WDR20: variants seen among roughly 807,000 people sequenced by gnomAD.
The protein encoded by WDR20 is WD repeat-containing protein 20.
A neutral mutation model predicts 38.7 loss-of-function variants in WDR20; 3 were observed. The ratio of observed to expected loss-of-function variants is 0.08; its 90% CI spans 0.04 to 0.20. The LOEUF (loss-of-function observed/expected upper bound fraction) is 0.20. Among genes scored for constraint, WDR20 ranks in the 10% least tolerant of loss-of-function variants. WDR20 has a pLI of 1.00. For missense variants in WDR20, 559 were observed against 727.7 expected, an observed-to-expected ratio of 0.77 and a Z score of 2.67; for synonymous variants, 298 against 285.6, an observed-to-expected ratio of 1.04 and a Z score of -0.44.
intron 1 of WDR20, among the ~76,000 whole-genome samples, chr14:102,152,357 TTAA>T (rs779716979): frequency 4.6e-5 from 7 of 152,126 alleles, no homozygotes; most frequent in Non-Finnish European, 7.4e-5. Context: ...ATTAATCATG[TTAA>T]TAATAGTGTG....
At chr14:102,201,795 G>A (rs930314977) in intron 2 of WDR20, among the ~76,000 whole-genome samples, 13 of 152,226 alleles carry the variant, frequency 8.5e-5, no homozygotes, top group African/African-American at 3.1e-4. Context: ...GGGCCTTGGA[G>A]CATTTTGGAG....
At chr14:102,164,149 A>G (rs1016497916) in intron 1 of WDR20, among the ~76,000 whole-genome samples, 7 of 151,728 alleles carry the variant, frequency 4.6e-5, no homozygotes, top group Non-Finnish European at 8.8e-5. Flanking sequence ...ACATTAGACC[A>G]GGCTTTGGTC....
chr14:102,145,805 A>G (rs1305813895), intron 1 of WDR20, among the ~76,000 whole-genome samples: 4 of 152,060 alleles, frequency 2.6e-5, no homozygotes, highest in African/African-American at 9.7e-5. Flanking sequence ...AACAAAAACT[A>G]TACTCAGAAT....
Position 102,194,964 on chromosome 14 carries a change from T to C in WDR20, c.276T>C (p.Asp92=). 2 of 1,614,136 alleles carry C rather than the reference T, an allele frequency of 1.2e-6. No individual in the cohort carries two copies. Among genetic ancestry groups the C allele is most frequent in the Non-Finnish European group, 1.7e-6 (2 of 1,180,018 alleles). ...CTGCTGACTTGAGTAAACCAATAGA[T>C]AAAAGGATATACAAAGGAACACAGC... ...RKAADLSKPI[D]KRIYKGTQPT... Residue 92 remains aspartate, a synonymous_variant, in exon 2 of 3, where the codon GAT becomes GAC. Coordinates refer to ENST00000342702, the MANE Select transcript of WDR20 (RefSeq NM_144574.4).
chr14:102,199,427 T>C (rs913577551), intron 2 of WDR20, among the ~76,000 whole-genome samples: 1 of 151,276 alleles, frequency 6.6e-6, no homozygotes, highest in Non-Finnish European at 1.5e-5. Flanking sequence ...CCGTGGGAGG[T>C]GAGATACCAA....
intron 1 of WDR20, 125 bp downstream of exon 1, chr14:102,140,297 A>G (rs993153877): frequency 2.8e-6 from 4 of 1,440,122 alleles, no homozygotes; most frequent in African/African-American, 1.4e-5. Flanking sequence ...GTGGGCCGGT[A>G]ACTCCACTGG....
exon 4 of WDR20, chr14:102,223,039 G>T: frequency 1.3e-6 from 1 of 777,116 alleles, no homozygotes; most frequent in Non-Finnish European, 2.1e-6. Context: ...ACTCTGCGGC[G>T]CCGTGCTCCC....
Position 102,194,852 on chromosome 14 carries a change from A to T in WDR20, c.250-86A>T, listed in dbSNP as rs2059154836. 9 of 1,344,382 alleles carry T rather than the reference A, an allele frequency of 6.7e-6. No homozygotes were observed. In the Admixed American group the frequency reaches 2.0e-4, roughly 30 times the overall value. 83.3% of individuals were successfully genotyped at this position (1,344,382 alleles called of 1,614,324 possible). On this transcript the variant is annotated intron_variant, in intron 1 of 2. Transcript: ENST00000342702. ...AATCACTTTGTTTTTAAGATGAAACATCATAATGGAGTATAAAGTAGCATA... is the reference window on the plus strand; with the variant it reads ...AATCACTTTGTTTTTAAGATGAAACTTCATAATGGAGTATAAAGTAGCATA...
intron 1 of WDR20, 146 bp downstream of exon 1, chr14:102,140,318 A>AG: frequency 7.8e-7 from 1 of 1,289,872 alleles, no homozygotes; most frequent in Non-Finnish European, 1.0e-6. Context: ...GGTACTCCTG[A>AG]GGAGAGGGGA....
At chr14:102,173,460 TA>T (rs1322540014) in intron 1 of WDR20, among the ~76,000 whole-genome samples, 154 of 146,630 alleles carry the variant, frequency 1.1e-3, no homozygotes, top group Middle Eastern at 7.1e-3. Flanking sequence ...TTATTATTAT[TA>T]TTATTATTAT....
rs754536997 is a variant in WDR20 at position 102,139,956 on chromosome 14, C to T, written c.33C>T (p.Asn11=). Residue 11 remains asparagine (N), a synonymous_variant, in exon 1 of 3, where the codon AAC becomes AAT. Coordinates refer to ENST00000342702, the MANE Select transcript of WDR20 (RefSeq NM_144574.4). MATEGGGKEM[N]EIKTQFTTRE... ...CGGAGGGAGGAGGGAAGGAGATGAACGAGATTAAGACCCAATTCACCACCC... is the reference window on the plus strand; with the variant it reads ...CGGAGGGAGGAGGGAAGGAGATGAATGAGATTAAGACCCAATTCACCACCC... 1.2e-5 allele frequency: 20 copies of T among 1,613,794 alleles called. No homozygotes were observed. The highest frequency in any genetic ancestry group is 3.3e-5 in the Admixed American group (2 of 60,010).
chr14:102,194,026 A>G (rs2058991664), intron 1 of WDR20, among the ~76,000 whole-genome samples: 2 of 152,192 alleles, frequency 1.3e-5, no homozygotes. Context: ...CCAAGTGAGA[A>G]ATCATTTGCT....
downstream of WDR20, among the ~76,000 whole-genome samples, chr14:102,215,602 C>T (rs2063124481): frequency 6.6e-6 from 1 of 152,148 alleles, no homozygotes; most frequent in Admixed American, 6.5e-5. Context: ...GGTATTTTTC[C>T]TTATGCTCTC....
At chr14:102,172,622 G>A (rs1361956766) in intron 1 of WDR20, among the ~76,000 whole-genome samples, 1 of 146,050 alleles carries the variant, frequency 6.8e-6, no homozygotes, top group South Asian at 2.2e-4. Flanking sequence ...TGGCAGAGGC[G>A]CCCCTCACCT....
chr14:102,215,501 C>T (rs768334296), downstream of WDR20, among the ~76,000 whole-genome samples: 3 of 152,094 alleles, frequency 2.0e-5, no homozygotes, highest in South Asian at 4.1e-4. Flanking sequence ...ATGTGCTGAA[C>T]GTGCAGGTTT....
At chr14:102,163,585 G>A (rs1304186002) in intron 1 of WDR20, among the ~76,000 whole-genome samples, 6 of 126,622 alleles carry the variant, frequency 4.7e-5, no homozygotes, top group Admixed American at 1.0e-4. Flanking sequence ...CCAAGATTGC[G>A]CCGCTGCACT....
At chr14:102,177,124 A>AC (rs762260318) in intron 1 of WDR20, among the ~76,000 whole-genome samples, 9 of 152,244 alleles carry the variant, frequency 5.9e-5, no homozygotes, top group Admixed American at 3.3e-4. Flanking sequence ...CTAGTAAGTT[A>AC]CCCTGTCAGT....
chr14:102,214,638 G>A (rs1482707783), downstream of WDR20: 8 of 984,752 alleles, frequency 8.1e-6, no homozygotes, highest in Non-Finnish European at 9.6e-6. Flanking sequence ...GTTATGTTAG[G>A]CGACACTGTA....
intron 1 of WDR20, among the ~76,000 whole-genome samples, chr14:102,164,479 C>T (rs1417899996): frequency 6.6e-6 from 1 of 152,168 alleles, no homozygotes; most frequent in Non-Finnish European, 1.5e-5. Context: ...AATGGTTTAG[C>T]TCCAAAATCG....
Sources: allele counts gnomAD v4.1 joint callset (sites outside exome capture counted in the v4.1 genomes callset), GRCh38; gene constraint gnomAD v4.1.1; transcripts MANE v1.5; gene names NCBI Gene and HGNC (gene_info 2026-07-23, HGNC 2026-07-21).